Variants in TERF2 observed in about 807,000 individuals in gnomAD.
TERF2 encodes telomeric repeat-binding factor 2.
In TERF2, 16 loss-of-function variants were observed where a neutral mutation model predicts 56.1. The observed-to-expected ratio is 0.29, with a 90% CI of 0.19 to 0.43. TERF2 has a LOEUF of 0.43. TERF2 is among the 20% of genes least tolerant of loss of function. The pLI, the probability that TERF2 is intolerant of heterozygous loss-of-function variation, is 1.00. For synonymous variants in TERF2, 296 were observed against 282.1 expected (o/e 1.05, Z -0.50); for missense variants, 547 against 712.9 (o/e 0.77, Z 2.65).
rs1345508759 is a variant in TERF2 at position 69,376,829 on chromosome 16, C to T, written c.607-4474G>A. On this transcript the variant is annotated intron_variant, in intron 3 of 9. Coordinates refer to ENST00000254942, the MANE Select transcript of TERF2 (RefSeq NM_005652.5). The stretch of plus-strand genomic sequence containing the variant: ...GAGCCATGATTATGCCACTGCATTC[C>T]AGCCCGGGTGACAGAGCGAGACCTT... Among the ~76,000 whole-genome samples, 3 of 144,074 alleles carry T rather than the reference C, an allele frequency of 2.1e-5. No homozygotes were observed. In the Admixed American group the frequency reaches 2.1e-4, roughly 10 times the overall value. The allele number at this position is 144,074 out of a possible 152,430, so 94.5% of individuals were successfully genotyped here. A position where few individuals can be genotyped will look rare whatever the true frequency, so the allele number is the denominator to read the frequency against.
chr16:69,368,752 C>T (rs2013448880), intron 5 of TERF2, among the ~76,000 whole-genome samples: 1 of 152,146 alleles, frequency 6.6e-6, no homozygotes, highest in African/African-American at 2.4e-5. Context: ...TCTCGGCTCA[C>T]TGCAATCTCC....
Position 69,385,949 on chromosome 16 carries a change from G to A in TERF2, c.23C>T (p.Ala8Val), listed in dbSNP as rs958788634. The change falls in exon 1 of 10, where the codon GCG becomes GTG. Residue 8 changes from alanine to valine, a missense_variant. Ala to Val is a moderately conservative substitution (Grantham distance 64). Coordinates refer to ENST00000254942, the MANE Select transcript of TERF2 (RefSeq NM_005652.5). MAAGAGT[A>V]GPASGPGVVR... ...GACGCCCGGGCCGGAAGCGGGGCCC[G>A]CCGTCCCGGCTCCCGCGGCCATGAT... 6.6e-6 allele frequency: 9 copies of A among 1,361,528 alleles called. No homozygotes were observed. The highest frequency in any genetic ancestry group is 1.6e-5 in the South Asian group (1 of 61,344). The allele number at this position is 1,361,528 out of a possible 1,614,324, so 84.3% of individuals were successfully genotyped here.
chr16:69,366,704 G>A (rs1395871294), intron 7 of TERF2, 103 bp downstream of exon 7: 11 of 1,402,484 alleles, frequency 7.8e-6, no homozygotes, highest in Middle Eastern at 5.2e-4. Flanking sequence ...AAGCCTTGGT[G>A]GTGAGTAACT....
intron 3 of TERF2, among the ~76,000 whole-genome samples, chr16:69,375,502 C>T (rs2013744282): frequency 1.3e-5 from 2 of 152,168 alleles, no homozygotes; most frequent in Non-Finnish European, 2.9e-5. Context: ...AGTTCAAGTC[C>T]AGCATGGGCA....
intron 7 of TERF2, 90 bp from the exon 8 acceptor site, chr16:69,361,579 C>T: frequency 2.2e-6 from 2 of 902,986 alleles, no homozygotes; most frequent in African/African-American, 1.6e-5. Context: ...TGGCCCTGTA[C>T]TCCTTCCTGT....
intron 8 of TERF2, 147 bp from the exon 9 acceptor site, chr16:69,357,708 T>A: frequency 2.2e-6 from 2 of 914,916 alleles, no homozygotes; most frequent in Non-Finnish European, 3.3e-6. Flanking sequence ...AAGGATAATT[T>A]ACTTTTCTCC....
At chr16:69,362,411 G>A (rs546363643) in intron 7 of TERF2, among the ~76,000 whole-genome samples, 4 of 152,220 alleles carry the variant, frequency 2.6e-5, no homozygotes, top group East Asian at 3.9e-4. Context: ...AACCAGGACC[G>A]CCTCGAAGGC....
At chr16:69,368,507 G>A in intron 5 of TERF2, 25 bp from the exon 6 acceptor site, 1 of 1,613,460 alleles carries the variant, frequency 6.2e-7, no homozygotes, top group Non-Finnish European at 8.5e-7. Flanking sequence ...ATGTCATCAG[G>A]AAGAAGAGGC....
intron 7 of TERF2, chr16:69,366,463 T>G (rs1026951904): frequency 1.5e-5 from 4 of 262,772 alleles, no homozygotes; most frequent in African/African-American, 4.3e-5. Context: ...AAGTATAATG[T>G]GGCCCAATGC....
rs749640085 is a variant in TERF2 at position 69,367,144 on chromosome 16, T to C, written c.1003A>G (p.Lys335Glu). ...IGMMTLKAAF[K>E]TLSGAQDSEA... Reference sequence around the variant, plus strand: ...GAATCCTGTGCACCAGACAGAGTCTTGAAAGCTGCTTTCAGAGTCATCATT... The same window carrying C: ...GAATCCTGTGCACCAGACAGAGTCTCGAAAGCTGCTTTCAGAGTCATCATT... The change falls in exon 7 of 10, where the codon AAG becomes GAG. Residue 335 changes from lysine (K) to glutamate (E), a missense_variant. By Grantham distance (56) the Lys-to-Glu change is moderately conservative. Around this residue, in one of 6 missense-constraint regions of TERF2, gnomAD observed 211 missense variants for 236.8 expected, o/e 0.89. Coordinates refer to ENST00000254942, the MANE Select transcript of TERF2 (RefSeq NM_005652.5). The C allele has an allele frequency of 2.0e-5, 33 of 1,614,074 alleles. No individual in the cohort carries two copies. Among genetic ancestry groups the C allele is most frequent in the Non-Finnish European group, 2.8e-5 (33 of 1,180,050 alleles).
In TERF2 at chr16:69,366,863, C is replaced by T. The variant is rs758415682; in HGVS notation, c.1284G>A (p.Ala428=). The T allele has an allele frequency of 5.0e-6, 8 of 1,614,028 alleles. No individual in the cohort carries two copies. Among genetic ancestry groups the T allele is most frequent in the Admixed American group, 3.3e-5 (2 of 60,002 alleles). ...GLNSSQEAAS[A]PPSKPTVLNQ... is the part of the protein sequence containing the mutation. ...TGAGAACGGTGGGCTTGGATGGTGG[C>T]GCTGAAGCGGCCTCCTGGGAGGAGT... Residue 428 remains alanine (A), a synonymous_variant, in exon 7 of 10, where the codon GCG becomes GCA. Transcript: ENST00000254942.
chr16:69,370,642 C>A lies in TERF2; in HGVS notation c.694-13G>T. 6.3e-7 allele frequency: 1 copy of A among 1,589,676 alleles called. No individual in the cohort carries two copies. The highest frequency in any genetic ancestry group is 8.6e-7 in the Non-Finnish European group (1 of 1,167,558). On this transcript the variant is annotated splice_polypyrimidine_tract_variant and intron_variant, in intron 4 of 9. Transcript: ENST00000254942. ...CATTTCTCAGCTTCTACACAATGGACCGATATTTGCAACATGAGAAAGTAG... is the reference window on the plus strand; with the variant it reads ...CATTTCTCAGCTTCTACACAATGGAACGATATTTGCAACATGAGAAAGTAG...
intron 3 of TERF2, among the ~76,000 whole-genome samples, chr16:69,380,055 A>G (rs2013938501): frequency 6.6e-6 from 1 of 151,972 alleles, no homozygotes; most frequent in African/African-American, 2.4e-5. Context: ...CTGGGATTAC[A>G]GGCTCGGGCC....
chr16:69,384,795 G>A (rs991782009), intron 2 of TERF2, 85 bp from the exon 3 acceptor site: 1 of 1,235,896 alleles, frequency 8.1e-7, no homozygotes. Context: ...TATATTTATG[G>A]AAATGGAGCA....
intron 3 of TERF2, among the ~76,000 whole-genome samples, chr16:69,373,493 T>A (rs563237730): frequency 6.6e-6 from 1 of 152,226 alleles, no homozygotes; most frequent in Non-Finnish European, 1.5e-5. Flanking sequence ...AAATCCTGTC[T>A]GAGAGACACA....
chr16:69,358,405 C>A (rs2013002000), intron 8 of TERF2, among the ~76,000 whole-genome samples: 1 of 152,210 alleles, frequency 6.6e-6, no homozygotes, highest in Non-Finnish European at 1.5e-5. Context: ...CTCGGCCTCC[C>A]AAAGTGCTGG....
Position 69,356,984 on chromosome 16 carries a change from T to C in TERF2, c.1543A>G (p.Ile515Val). Residue 515 changes from isoleucine to valine, a missense_variant, in exon 10 of 10, where the codon ATT (isoleucine) becomes GTT (valine). Ile to Val is a conservative substitution (Grantham distance 29). Coordinates refer to ENST00000254942, the MANE Select transcript of TERF2 (RefSeq NM_005652.5). ...QKYGEGNWAA[I>V]SKNYPFVNRT... is the part of the protein sequence containing the mutation. ...TTAACAAATGGGTAATTTTTAGAAA[T>C]GGCAGCCCAGTTTCCTTCCCCATAT... 2 of 1,614,128 alleles carry C rather than the reference T, an allele frequency of 1.2e-6. No homozygotes were observed. The highest frequency in any genetic ancestry group is 1.7e-6 in the Non-Finnish European group (2 of 1,180,024).
At position 69,368,381 on chromosome 16, in the gene TERF2, G is replaced by A. The variant is rs763930202; in HGVS notation, c.942C>T (p.Pro314=). 15 of 1,613,556 alleles carry A rather than the reference G, an allele frequency of 9.3e-6. No homozygotes were observed. Among genetic ancestry groups the A allele is most frequent in the South Asian group, 3.3e-5 (3 of 91,064 alleles). The change falls in exon 6 of 10, where the codon CCC becomes CCT. Residue 314 remains proline (P), a synonymous_variant. Transcript: ENST00000254942. ...ACAAGAGAGCATCTTTTTACCTTGC[G>A]GGTTCTCTGGGTGGCTTTTCCACAG... ...PGPVEKPPRE[P]ARQLRNPPTT... is the part of the protein sequence containing the mutation.
In TERF2 at chr16:69,385,504, G is replaced by T. The variant is rs1433724340; in HGVS notation, c.380-18C>A. ...AAGCAAAGCTGGGAGAGAAGACATC[G>T]TTGGCTGGGCGACCCCCAGTCCCGA... On this transcript the variant is annotated intron_variant, in intron 1 of 9. Transcript: ENST00000254942. 1.2e-6 allele frequency: 2 copies of T among 1,613,506 alleles called. No individual in the cohort carries two copies. Among genetic ancestry groups the T allele is most frequent in the African/African-American group, 1.3e-5 (1 of 74,880 alleles).
Sources: gnomAD v4.1 joint callset for allele counts (sites outside exome capture counted in the v4.1 genomes callset) on GRCh38, gnomAD v4.1.1 for gene constraint, gnomAD v4.1.1 regional missense constraint, MANE v1.5 for transcripts, NCBI Gene and HGNC (gene_info 2026-07-23, HGNC 2026-07-21) for gene names.